The following ABCC9 variants were observed in gnomAD, a reference collection of about 807,000 sequenced individuals.
ABCC9 encodes the protein ATP binding cassette subfamily C member 9.
ABCC9 carries 95 observed loss-of-function variants against 188.3 expected under a neutral mutation model. The ratio of observed to expected loss-of-function variants is 0.50; its 90% CI spans 0.43 to 0.60. The LOEUF is 0.60. ABCC9 is among the 20% of genes least tolerant of loss of function. The pLI is 0.00. For synonymous variants in ABCC9, 659 were observed against 652.7 expected, an observed-to-expected ratio of 1.01 and a Z score of -0.15; for missense variants, 1,102 against 1,876.3, an observed-to-expected ratio of 0.59 and a Z score of 7.62.
intron 12 of ABCC9, among the ~76,000 whole-genome samples, chr12:21,903,582 T>G (rs1326474585): frequency 1.3e-5 from 2 of 152,178 alleles, no homozygotes; most frequent in African/African-American, 4.8e-5. Context: ...TTCAGCAAAG[T>G]CTCAGGATAC....
chr12:21,891,462 G>A lies in ABCC9; in HGVS notation c.1802+2570C>T, dbSNP rs553045811. Among the ~76,000 whole-genome samples, 4 of 152,262 alleles carry A rather than the reference G, an allele frequency of 2.6e-5. No individual in the cohort carries two copies. The East Asian group carries it at 5.8e-4, about 22-fold the overall frequency. The stretch of plus-strand genomic sequence containing the variant: ...GAAAAATCAAATGGTGTTGGGTGCT[G>A]GGGGGTGTGAGGAGACAATCTGAAT... On this transcript the variant is annotated intron_variant, in intron 14 of 39. Transcript: ENST00000261200.
intron 5 of ABCC9, chr12:21,923,688 C>A: frequency 1.7e-6 from 1 of 586,962 alleles, no homozygotes; most frequent in Non-Finnish European, 3.0e-6. Flanking sequence ...AAAAATGATA[C>A]AAACATTTTG....
intron 10 of ABCC9, 45 bp downstream of exon 10, chr12:21,910,112 T>G: frequency 6.4e-7 from 1 of 1,557,286 alleles, no homozygotes; most frequent in Non-Finnish European, 8.8e-7. Flanking sequence ...TTTTTTGTTT[T>G]ATTTCCTCTG....
chr12:21,915,698 A>C lies in ABCC9; in HGVS notation c.786T>G (p.Val262=). 1 of 1,612,024 alleles carries C rather than the reference A, an allele frequency of 6.2e-7. No individual in the cohort carries two copies. The highest frequency in any genetic ancestry group is 8.5e-7 in the Non-Finnish European group (1 of 1,179,440). The part of the protein sequence containing the change: ...PIAMRAVTNY[V]CLKDAYEEQK... ...GTTCTTCATATGCATCTTTCAGGCA[A>C]ACATAATTTGTTACTGCTCTCATTG... is the stretch of plus-strand genomic sequence containing the variant. The change falls in exon 7 of 40, where the codon GTT becomes GTG. Residue 262 remains valine (V), a synonymous_variant. Coordinates refer to ENST00000261200, the MANE Select transcript of ABCC9 (RefSeq NM_020297.4).
At chr12:21,841,083 A>AT (rs1177970459) in intron 29 of ABCC9, among the ~76,000 whole-genome samples, 1 of 152,216 alleles carries the variant, frequency 6.6e-6, no homozygotes, top group Non-Finnish European at 1.5e-5. Context: ...GGCCCCTGAC[A>AT]TATCAATCTC....
At chr12:21,855,841 T>C (rs1945200036) in intron 22 of ABCC9, among the ~76,000 whole-genome samples, 1 of 152,194 alleles carries the variant, frequency 6.6e-6, no homozygotes, top group Non-Finnish European at 1.5e-5. Flanking sequence ...AGTGAGACTT[T>C]AGCATCTTCC....
chr12:21,818,258 A>G lies in ABCC9; in HGVS notation c.3670-7T>C. On this transcript the variant is annotated splice_polypyrimidine_tract_variant and splice_region_variant and intron_variant, in intron 31 of 39. Coordinates refer to ENST00000261200, the MANE Select transcript of ABCC9 (RefSeq NM_020297.4). ...TGCAAGCTCCCAGATAATCCTTTGA[A>G]AAAGCAAGAGAAAATGTTAAAAGGT... is the stretch of plus-strand genomic sequence containing the variant. 1.9e-6 allele frequency: 3 copies of G among 1,611,352 alleles called. No homozygotes were observed. The highest frequency in any genetic ancestry group is 2.5e-6 in the Non-Finnish European group (3 of 1,177,600).
intron 22 of ABCC9, among the ~76,000 whole-genome samples, chr12:21,853,675 G>A (rs1425101519): frequency 6.6e-6 from 1 of 152,078 alleles, no homozygotes; most frequent in African/African-American, 2.4e-5. Context: ...CAAACTACAT[G>A]TTTCACATTT....
rs1565502375 is a variant in ABCC9, at chr12:21,936,712, G to T, written c.-20-18C>A. On this transcript the variant is annotated intron_variant, in intron 2 of 39. Coordinates refer to ENST00000261200, the MANE Select transcript of ABCC9 (RefSeq NM_020297.4). Reference sequence around the variant, plus strand: ...GGTTTACTCTAAAAGGGAGAGAAATGAGAAAGAAAAATCCTCTTATTAGTA... The same window carrying T: ...GGTTTACTCTAAAAGGGAGAGAAATTAGAAAGAAAAATCCTCTTATTAGTA... 3.8e-6 allele frequency: 6 copies of T among 1,568,318 alleles called. No homozygotes were observed. Among genetic ancestry groups the T allele is most frequent in the South Asian group, 1.1e-5 (1 of 88,396 alleles).
At chr12:21,822,081 CAAAAATTTTCAGAA>C (rs1176984485) in intron 31 of ABCC9, among the ~76,000 whole-genome samples, 2 of 151,992 alleles carry the variant, frequency 1.3e-5, no homozygotes, top group Admixed American at 1.3e-4. Flanking sequence ...CATTTTATAG[CAAAAATTTTCAGAA>C]GAGGAACTGA....
chr12:21,917,952 T>C (rs565636367), intron 5 of ABCC9, among the ~76,000 whole-genome samples: 298 of 152,124 alleles, frequency 2.0e-3, no homozygotes, highest in African/African-American at 6.6e-3. Flanking sequence ...ACTTCATTAG[T>C]GAAAAATACT....
chr12:21,887,699 G>A (rs1048063501), intron 15 of ABCC9, 127 bp downstream of exon 15: 12 of 711,478 alleles, frequency 1.7e-5, no homozygotes, highest in Admixed American at 6.6e-5. Flanking sequence ...GAAGCAAGTC[G>A]TGATTTTTCT....
chr12:21,906,468 GT>G (rs1393530688), intron 11 of ABCC9, among the ~76,000 whole-genome samples, 180 bp from the exon 12 acceptor site: 1 of 152,056 alleles, frequency 6.6e-6, no homozygotes, highest in East Asian at 1.9e-4. Flanking sequence ...GAAATAAAGA[GT>G]TTAATGAGAT....
At chr12:21,846,174 T>C (rs829079) in intron 25 of ABCC9, among the ~76,000 whole-genome samples, 1 of 151,928 alleles carries the variant, frequency 6.6e-6, no homozygotes, top group Non-Finnish European at 1.5e-5. Flanking sequence ...TCTACAATAT[T>C]GTGACCTGCA....
At chr12:21,860,050 A>G (rs1484837342) in intron 21 of ABCC9, among the ~76,000 whole-genome samples, 2 of 151,698 alleles carry the variant, frequency 1.3e-5, no homozygotes, top group Non-Finnish European at 2.9e-5. Context: ...AAAGAGTACT[A>G]TCCAAGAGTA....
chr12:21,840,308 T>C (rs1944316631), intron 29 of ABCC9, among the ~76,000 whole-genome samples: 1 of 152,336 alleles, frequency 6.6e-6, no homozygotes, highest in South Asian at 2.1e-4. Context: ...AGAAGGATCC[T>C]TGTTTGTGAG....
chr12:21,861,228 C>T (rs865919472), intron 20 of ABCC9, among the ~76,000 whole-genome samples, 173 bp from the exon 21 acceptor site: 79,585 of 145,250 alleles, frequency 0.55, 22,442 homozygotes, highest in East Asian at 0.69. Flanking sequence ...CTACTTCCCC[C>T]CCCTTTTTTT....
intron 12 of ABCC9, among the ~76,000 whole-genome samples, chr12:21,896,512 C>T (rs1375565981): frequency 6.6e-6 from 1 of 152,118 alleles, no homozygotes; most frequent in Admixed American, 6.5e-5. Flanking sequence ...TAAACATGTG[C>T]CATGGTGGTT....
At chr12:21,845,542 G>A in intron 26 of ABCC9, 61 bp downstream of exon 26, 1 of 1,305,190 alleles carries the variant, frequency 7.7e-7, no homozygotes. Flanking sequence ...AGATAAGAAG[G>A]TATCACTGTT....
Sources: gnomAD v4.1 joint callset for allele counts (sites outside exome capture counted in the v4.1 genomes callset) on GRCh38, gnomAD v4.1.1 for gene constraint, MANE v1.5 for transcripts, NCBI Gene and HGNC (gene_info 2026-07-23, HGNC 2026-07-21) for gene names.